TENM1: variants seen among roughly 807,000 people sequenced by gnomAD.
TENM1 encodes the protein teneurin-1.
Under a neutral mutation model 174.8 loss-of-function variants are expected in TENM1, and 35 were observed. The ratio of observed to expected loss-of-function variants is 0.20; its 90% CI spans 0.15 to 0.27. TENM1 has a LOEUF of 0.27. TENM1 is among the 10% of genes least tolerant of loss of function. TENM1 has a pLI of 1.00. For missense variants in TENM1, 1,633 were observed against 2,130.1 expected (o/e 0.77, Z 4.59); for synonymous variants, 781 against 798.7 (o/e 0.98, Z 0.37).
intron 22 of TENM1, among the ~76,000 whole-genome samples, chrX:124,454,383 CTATATCT>C (rs1343744456): frequency 4.7e-5 from 5 of 107,102 alleles, no homozygotes; most frequent in Admixed American, 2.0e-4. Context: ...GCTGGTTACT[CTATATCT>C]AGGTATATCT....
intron 27 of TENM1, among the ~76,000 whole-genome samples, chrX:124,394,480 T>A (rs2060313175): frequency 8.9e-6 from 1 of 112,224 alleles, no homozygotes; most frequent in African/African-American, 3.2e-5. Flanking sequence ...GAGGTCTGGA[T>A]GGCTGCAAAG....
chrX:124,496,321 C>T (rs2047200574), intron 20 of TENM1, among the ~76,000 whole-genome samples: 1 of 111,450 alleles, frequency 9.0e-6, no homozygotes, highest in Non-Finnish European at 1.9e-5. Flanking sequence ...GTCTTATAAT[C>T]TCAGAAAGGG....
the TENM1 span, among the ~76,000 whole-genome samples, chrX:125,135,897 C>A: frequency 3.3e-3 from 370 of 111,435 alleles, 1 homozygote; most frequent in Non-Finnish European, 3.9e-3. Flanking sequence ...AAAATGAATT[C>A]TTTGTTGGAC....
the TENM1 span, among the ~76,000 whole-genome samples, chrX:125,176,916 C>CA: frequency 1.8e-5 from 2 of 111,575 alleles, no homozygotes; most frequent in Admixed American, 1.9e-4. Flanking sequence ...AGCTGGCACT[C>CA]ACATTTTCCA....
chrX:124,589,851 C>T (rs1602734663), intron 11 of TENM1, among the ~76,000 whole-genome samples: 2 of 110,620 alleles, frequency 1.8e-5, no homozygotes, highest in East Asian at 2.8e-4. Flanking sequence ...CTTTTTTATC[C>T]TTTCAAATAA....
At chrX:124,518,579 A>T (rs952766322) in intron 18 of TENM1, among the ~76,000 whole-genome samples, 2 of 111,807 alleles carry the variant, frequency 1.8e-5, no homozygotes, top group Non-Finnish European at 3.8e-5. Context: ...AATGAAAAAA[A>T]GCAATACCAG....
intron 14 of TENM1, among the ~76,000 whole-genome samples, chrX:124,557,815 C>T (rs1430855639): frequency 8.9e-6 from 1 of 111,862 alleles, no homozygotes; most frequent in Non-Finnish European, 1.9e-5. Context: ...GCTATTCTGA[C>T]TCAGTTAATA....
At chrX:124,529,671 C>T (rs1011090603) in intron 16 of TENM1, among the ~76,000 whole-genome samples, 193 bp downstream of exon 19, 2 of 110,966 alleles carry the variant, frequency 1.8e-5, no homozygotes, top group African/African-American at 6.6e-5. Context: ...CAAGAAGACT[C>T]GAGAAGGATT....
At chrX:124,935,239 A>G (rs914529439) in intron 1 of TENM1, among the ~76,000 whole-genome samples, 1 of 107,775 alleles carries the variant, frequency 9.3e-6, no homozygotes, top group African/African-American at 3.4e-5. Flanking sequence ...TGATTCTGAT[A>G]TTATGGACAT....
intron 3 of TENM1, among the ~76,000 whole-genome samples, chrX:124,865,317 T>C (rs950294131): frequency 9.8e-5 from 11 of 111,964 alleles, no homozygotes; most frequent in African/African-American, 2.6e-4. Context: ...TTTTAAGACA[T>C]AGTAAGTACA....
At chrX:124,578,445 C>G (rs1211262324) in intron 11 of TENM1, among the ~76,000 whole-genome samples, 1 of 111,448 alleles carries the variant, frequency 9.0e-6, no homozygotes, top group Non-Finnish European at 1.9e-5. Flanking sequence ...TTCCTGGTCT[C>G]GAATCCTAGC....
chrX:125,075,902 T>G, the TENM1 span, among the ~76,000 whole-genome samples: 7 of 111,390 alleles, frequency 6.3e-5, no homozygotes, highest in Non-Finnish European at 1.3e-4. Context: ...TTTTGTCACA[T>G]AATCATAAAC....
intron 4 of TENM1, among the ~76,000 whole-genome samples, chrX:124,708,607 C>T (rs952716277): frequency 9.0e-6 from 1 of 110,976 alleles, no homozygotes; most frequent in Admixed American, 9.7e-5. Context: ...TAGTACTACA[C>T]AATCATTACA....
chrX:124,532,564 G>A (rs1371148825), intron 15 of TENM1, among the ~76,000 whole-genome samples: 1 of 111,169 alleles, frequency 9.0e-6, no homozygotes, highest in Non-Finnish European at 1.9e-5. Context: ...GTGTGATAAT[G>A]ACTCATCAAA....
chrX:124,377,442 G>A (rs757308873), exon 32 of TENM1: 4 of 111,629 alleles, frequency 3.6e-5, no homozygotes, highest in Non-Finnish European at 7.5e-5. Flanking sequence ...TTTGTTGCAA[G>A]TTAGTATGAA....
At chrX:125,094,255 C>T in the TENM1 span, among the ~76,000 whole-genome samples, 2 of 112,076 alleles carry the variant, frequency 1.8e-5, no homozygotes, top group African/African-American at 6.5e-5. Flanking sequence ...TGAATCCTTA[C>T]AGGACTGGTG....
chrX:124,465,721 T>C (rs1436004828), intron 22 of TENM1, among the ~76,000 whole-genome samples: 2 of 110,598 alleles, frequency 1.8e-5, no homozygotes, highest in Non-Finnish European at 3.8e-5. Context: ...CCCCCTTTTT[T>C]TTTCTCTCCA....
intron 24 of TENM1, among the ~76,000 whole-genome samples, chrX:124,421,397 T>C (rs767630479): frequency 2.7e-4 from 30 of 112,275 alleles, no homozygotes; most frequent in Non-Finnish European, 5.1e-4. Flanking sequence ...ATTGGAAATA[T>C]TGATCAAAAG....
At chrX:124,565,433 T>C (rs986484967) in exon 12 of TENM1, 6 of 1,207,778 alleles carry the variant, frequency 5.0e-6, no homozygotes, top group African/African-American at 3.5e-5. Flanking sequence ...CATCTTTGCA[T>C]TGGCCATGCT....
Sources: allele counts gnomAD v4.1 joint callset (sites outside exome capture counted in the v4.1 genomes callset), GRCh38; gene constraint gnomAD v4.1.1; transcripts MANE v1.5; gene names NCBI Gene and HGNC (gene_info 2026-07-23, HGNC 2026-07-21).